Variants in NUP214 observed in about 807,000 individuals in gnomAD.
NUP214 encodes nucleoporin 214.
NUP214 carries 79 observed loss-of-function variants against 196.2 expected under a neutral mutation model. That is an observed-to-expected ratio of 0.40 (90% CI 0.34 to 0.49). NUP214 has a LOEUF of 0.49. NUP214 is among the 20% of genes least tolerant of loss of function. The pLI is 0.58. For missense variants in NUP214, 2,468 were observed against 2,539.0 expected, an observed-to-expected ratio of 0.97 and a Z score of 0.60; for synonymous variants, 1,020 against 990.5, an observed-to-expected ratio of 1.03 and a Z score of -0.56.
intron 26 of NUP214, among the ~76,000 whole-genome samples, chr9:131,189,368 A>C (rs530186654): frequency 2.6e-5 from 4 of 152,226 alleles, no homozygotes; most frequent in Non-Finnish European, 5.9e-5. Context: ...TGAAATTTTT[A>C]GGTTAGTTTG....
Position 131,234,008 on chromosome 9 carries a change from G to T in NUP214, c.*521G>T. The T allele has an allele frequency of 3.8e-6, 1 of 261,086 alleles. No individual in the cohort carries two copies. The highest frequency in any genetic ancestry group is 2.2e-5 in the African/African-American group (1 of 46,172). 16.2% of individuals were successfully genotyped at this position (261,086 alleles called of 1,614,324 possible). On this transcript the variant is annotated 3_prime_UTR_variant, in exon 36 of 36. Coordinates refer to ENST00000359428, the MANE Select transcript of NUP214 (RefSeq NM_005085.4). ...AGGACCATCCAAGGACGCACTCTGC[G>T]ATTGAGTGGAGGCAGAGGAAGCCAC...
chr9:131,232,351 TAAATA>T lies in NUP214; in HGVS notation c.6239+45_6239+49del. The T allele has an allele frequency of 6.3e-7, 1 of 1,582,026 alleles. No individual in the cohort carries two copies. The highest frequency in any genetic ancestry group is 8.7e-7 in the Non-Finnish European group (1 of 1,150,680). ...TGAGTCTCACCTTAATTAAAAGCAT[TAAATA>T]AGGTTGGAAGTGTGTGGATCTTGCT... On this transcript the variant is annotated intron_variant, in intron 35 of 35. Coordinates refer to ENST00000359428, the MANE Select transcript of NUP214 (RefSeq NM_005085.4). This position sits in a 1 kb window ranked among gnomAD's most constrained non-coding sequence, Gnocchi z 5.1.
intron 30 of NUP214, among the ~76,000 whole-genome samples, chr9:131,206,969 GT>G (rs1308820209): frequency 6.6e-6 from 1 of 152,178 alleles, no homozygotes; most frequent in Non-Finnish European, 1.5e-5. Context: ...GGGCCTTATT[GT>G]TTTTATTGAT....
intron 1 of NUP214, among the ~76,000 whole-genome samples, 160 bp from the exon 2 acceptor site, chr9:131,127,364 C>G (rs545131238): frequency 6.6e-6 from 1 of 152,280 alleles, no homozygotes; most frequent in South Asian, 2.1e-4. Flanking sequence ...GCCTGGACGA[C>G]AGAGCGAGAC....
Position 131,127,690 on chromosome 9 carries a change from A to G in NUP214, c.212A>G (p.Asn71Ser). Residue 71 changes from asparagine to serine, a missense_variant, in exon 2 of 36, where the codon AAT becomes AGT. By Grantham distance (46) the Asn-to-Ser change is conservative. Coordinates refer to ENST00000359428, the MANE Select transcript of NUP214 (RefSeq NM_005085.4). ...IFPTKNLLIQ[N>S]KPGDDPNKIV... ...CCTACTAAAAATCTTCTTATTCAAAATAAACCCGGAGATGATCCCAACAAA... is the reference window on the plus strand; with the variant it reads ...CCTACTAAAAATCTTCTTATTCAAAGTAAACCCGGAGATGATCCCAACAAA... 6.2e-7 allele frequency: 1 copy of G among 1,614,072 alleles called. No homozygotes were observed. The highest frequency in any genetic ancestry group is 8.5e-7 in the Non-Finnish European group (1 of 1,179,980).
chr9:131,192,433 T>C, intron 27 of NUP214, 141 bp downstream of exon 27: 3 of 507,452 alleles, frequency 5.9e-6, no homozygotes, highest in Non-Finnish European at 1.0e-5. Flanking sequence ...GTGATGATAG[T>C]GGCAATAGTT....
At chr9:131,233,382 C>A in intron 35 of NUP214, 72 bp from the exon 36 acceptor site, 2 of 1,463,508 alleles carry the variant, frequency 1.4e-6, no homozygotes, top group Non-Finnish European at 1.8e-6. Context: ...TGCACACAGG[C>A]AGAGCAGCAG....
At chr9:131,185,296 C>G (rs1259635159) in intron 24 of NUP214, among the ~76,000 whole-genome samples, 1 of 152,154 alleles carries the variant, frequency 6.6e-6, no homozygotes, top group East Asian at 1.9e-4. Context: ...AAAAAAATGA[C>G]TCTTCTGTGT....
chr9:131,210,350 C>A (rs1463406752), intron 30 of NUP214, among the ~76,000 whole-genome samples: 7 of 152,188 alleles, frequency 4.6e-5, no homozygotes, highest in Non-Finnish European at 8.8e-5. Context: ...AATGGAAAGG[C>A]CGGGCACAGT....
In NUP214 at chr9:131,197,279, A is replaced by G. The variant is rs778883628; in HGVS notation, c.3785A>G (p.Lys1262Arg). ...GCATTCTCATCTGGTGGGGGAAGCA[A>G]ACCTTCTTATGAGGCCATTCCTGAA... ...PDAFSSGGGS[K>R]PSYEAIPESS... The change falls in exon 29 of 36, where the codon AAA becomes AGA. Residue 1262 changes from lysine to arginine, a missense_variant. Lys to Arg is a conservative substitution (Grantham distance 26, BLOSUM62 2). This residue lies in a region of NUP214 where 1,801 missense variants were observed against 1,779.4 expected (regional missense o/e 1.01). Coordinates refer to ENST00000359428, the MANE Select transcript of NUP214 (RefSeq NM_005085.4). 1.9e-5 allele frequency: 31 copies of G among 1,614,002 alleles called. No homozygotes were observed. In the African/African-American group the frequency reaches 3.6e-4, roughly 19 times the overall value.
Position 131,198,208 on chromosome 9 carries a change from A to C in NUP214, c.4714A>C (p.Thr1572Pro). The C allele has an allele frequency of 6.2e-7, 1 of 1,614,246 alleles. No homozygotes were observed. Among genetic ancestry groups the C allele is most frequent in the Non-Finnish European group, 8.5e-7 (1 of 1,180,040 alleles). Residue 1572 changes from threonine to proline, a missense_variant, in exon 29 of 36, where the codon ACG becomes CCG. Thr to Pro is a conservative substitution (Grantham distance 38, BLOSUM62 -1). Coordinates refer to ENST00000359428, the MANE Select transcript of NUP214 (RefSeq NM_005085.4). ...ALSAEATPAT[T>P]GVPDARTEAV... is the part of the protein sequence containing the mutation. ...TTCTGCAGAGGCTACCCCAGCCACC[A>C]CGGGGGTCCCTGATGCCAGGACGGA...
rs922375013 is a variant in NUP214, at chr9:131,234,085, A to G, written c.*598A>G. ...AAGCAGCCATAGCGCTTTTCAGTACAGTACAATAGTAGCCAGCGTGAGGCA... is the reference window on the plus strand; with the variant it reads ...AAGCAGCCATAGCGCTTTTCAGTACGGTACAATAGTAGCCAGCGTGAGGCA... On this transcript the variant is annotated 3_prime_UTR_variant, in exon 36 of 36. Transcript: ENST00000359428. 2.1e-5 allele frequency: 5 copies of G among 237,978 alleles called. No individual in the cohort carries two copies. The highest frequency in any genetic ancestry group is 6.6e-5 in the African/African-American group (3 of 45,430). 14.7% of individuals were successfully genotyped at this position (237,978 alleles called of 1,614,324 possible). A position where few individuals can be genotyped will look rare whatever the true frequency, so the allele number is the denominator to read the frequency against.
chr9:131,130,880 A>T (rs1394352247), intron 5 of NUP214, 44 bp downstream of exon 5: 1 of 1,528,716 alleles, frequency 6.5e-7, no homozygotes, highest in Non-Finnish European at 9.1e-7. Flanking sequence ...TAAGTTGCCC[A>T]CTTTTTTGGG....
At chr9:131,205,721 G>A (rs990399141) in intron 30 of NUP214, among the ~76,000 whole-genome samples, 1 of 152,100 alleles carries the variant, frequency 6.6e-6, no homozygotes, top group Non-Finnish European at 1.5e-5. Flanking sequence ...TTGAGACGGA[G>A]CCTTACTCTG....
chr9:131,176,415 C>T (rs2131003972), intron 23 of NUP214, among the ~76,000 whole-genome samples: 1 of 151,764 alleles, frequency 6.6e-6, no homozygotes, highest in South Asian at 2.1e-4. Flanking sequence ...CCTCCGTGAT[C>T]TCCCGAACCC....
At chr9:131,205,875 G>T (rs1256020927) in intron 30 of NUP214, among the ~76,000 whole-genome samples, 1 of 152,078 alleles carries the variant, frequency 6.6e-6, no homozygotes, top group African/African-American at 2.4e-5. Flanking sequence ...TAGAGACAGG[G>T]TTTCGCCATG....
intron 23 of NUP214, among the ~76,000 whole-genome samples, chr9:131,176,309 T>C (rs1254942568): frequency 2.0e-5 from 3 of 152,126 alleles, no homozygotes; most frequent in East Asian, 1.9e-4. Flanking sequence ...TCTCCAACTA[T>C]ATCTTGCATG....
At chr9:131,134,839 C>A in intron 7 of NUP214, 59 bp from the exon 8 acceptor site, 1 of 995,090 alleles carries the variant, frequency 1.0e-6, no homozygotes, top group Non-Finnish European at 1.6e-6. Flanking sequence ...GATTCTTTTG[C>A]TGTGGGATCT....
intron 31 of NUP214, 71 bp downstream of exon 31, chr9:131,215,439 G>T: frequency 7.5e-7 from 1 of 1,333,260 alleles, no homozygotes; most frequent in African/African-American, 1.5e-5. Flanking sequence ...TGTTATCAAA[G>T]CTTCAGTGAC....
Sources: allele counts gnomAD v4.1 joint callset (sites outside exome capture counted in the v4.1 genomes callset), GRCh38; gene constraint gnomAD v4.1.1; regional missense constraint gnomAD v4.1.1; non-coding constraint Gnocchi (gnomAD v3.1); transcripts MANE v1.5; gene names NCBI Gene and HGNC (gene_info 2026-07-23, HGNC 2026-07-21).